Variants in EGF observed in about 807,000 individuals in gnomAD.
EGF encodes epidermal growth factor.
In EGF, 95 loss-of-function variants were observed where a neutral mutation model predicts 143.8. The ratio of observed to expected loss-of-function variants is 0.66; its 90% confidence interval spans 0.56 to 0.78. The LOEUF is 0.78. Among genes scored for constraint, EGF ranks in the 30% least tolerant of loss-of-function variants. The pLI is 0.00. For missense variants in EGF, 1,320 were observed against 1,470.9 expected (o/e 0.90, Z 1.68); for synonymous variants, 510 against 510.5 (o/e 1.00, Z 0.01).
chr4:109,938,900 C>T (rs1298118122), intron 1 of EGF, among the ~76,000 whole-genome samples: 1 of 152,176 alleles, frequency 6.6e-6, no homozygotes, highest in East Asian at 1.9e-4. Context: ...AGCTTTGTCC[C>T]AGAGGGGCAC....
intron 1 of EGF, among the ~76,000 whole-genome samples, chr4:109,933,378 C>T (rs1251623703): frequency 1.3e-5 from 2 of 151,680 alleles, no homozygotes; most frequent in Non-Finnish European, 2.9e-5. Flanking sequence ...TTCAAACTCT[C>T]ATAATCTTAC....
chr4:109,959,697 G>A (rs961686560), intron 6 of EGF, among the ~76,000 whole-genome samples: 3 of 152,138 alleles, frequency 2.0e-5, no homozygotes, highest in Admixed American at 1.3e-4. Context: ...ATGCTTAGGG[G>A]TTGATATAAG....
chr4:109,919,103 C>G (rs762342465), intron 1 of EGF, among the ~76,000 whole-genome samples: 12 of 152,126 alleles, frequency 7.9e-5, no homozygotes, highest in Non-Finnish European at 1.2e-4. Context: ...ACTTCAAAAA[C>G]TATTAAATAG....
intron 5 of EGF, among the ~76,000 whole-genome samples, chr4:109,948,858 G>T (rs1031563752): frequency 1.2e-4 from 19 of 152,190 alleles, no homozygotes; most frequent in Admixed American, 3.9e-4. Flanking sequence ...CTAAATTGCA[G>T]CTCCTCTGGT....
intron 1 of EGF, among the ~76,000 whole-genome samples, chr4:109,914,062 A>G (rs1436088646): frequency 2.6e-5 from 4 of 152,208 alleles, no homozygotes; most frequent in Non-Finnish European, 5.9e-5. Flanking sequence ...AAGAACTGCC[A>G]AATATGATAA....
intron 22 of EGF, among the ~76,000 whole-genome samples, chr4:110,007,319 A>G (rs1039536657): frequency 1.3e-5 from 2 of 152,250 alleles, no homozygotes; most frequent in South Asian, 4.1e-4. Context: ...TGGAGCGCCC[A>G]TTTCTGAACC....
chr4:109,964,745 C>T (rs773816186), intron 10 of EGF, among the ~76,000 whole-genome samples: 6 of 152,120 alleles, frequency 3.9e-5, no homozygotes, highest in Admixed American at 1.3e-4. Context: ...GTCCTTGCTA[C>T]GATTAGCCGT....
chr4:109,980,215 T>C, intron 14 of EGF, 76 bp downstream of exon 14: 1 of 1,451,900 alleles, frequency 6.9e-7, no homozygotes, highest in Non-Finnish European at 9.2e-7. Context: ...TGTCATGCAG[T>C]TGGCGGGGGG....
intron 22 of EGF, among the ~76,000 whole-genome samples, chr4:110,006,180 G>T (rs1372672723): frequency 2.3e-5 from 3 of 130,912 alleles, no homozygotes; most frequent in Admixed American, 7.2e-5. Context: ...TCTTTAAAAA[G>T]ATTAAAAAAA....
rs1749276307 is a variant in EGF at position 109,980,981 on chromosome 4, A to G, written c.2371+6A>G. ...TGGTCATCAGCTGTTGGCAGGTAATATAATAAATTATGTGGCAAATTACCT... is the reference window on the plus strand; with the variant it reads ...TGGTCATCAGCTGTTGGCAGGTAATGTAATAAATTATGTGGCAAATTACCT... On this transcript the variant is annotated splice_donor_region_variant and intron_variant, in intron 15 of 23. Transcript: ENST00000265171. 1 of 1,613,960 alleles carries G rather than the reference A, an allele frequency of 6.2e-7. No individual in the cohort carries two copies. Among genetic ancestry groups the G allele is most frequent in the Non-Finnish European group, 8.5e-7 (1 of 1,179,958 alleles).
At chr4:109,928,859 C>A (rs1443425785) in intron 1 of EGF, among the ~76,000 whole-genome samples, 2 of 152,098 alleles carry the variant, frequency 1.3e-5, no homozygotes, top group East Asian at 3.8e-4. Flanking sequence ...GCATGTCCCA[C>A]CCTCACTTCC....
chr4:109,936,860 T>C (rs1010617929), intron 1 of EGF, among the ~76,000 whole-genome samples: 1 of 152,224 alleles, frequency 6.6e-6, no homozygotes, highest in South Asian at 2.1e-4. Context: ...TTGAGTGAGT[T>C]TCTTAATCCT....
chr4:109,980,091 A>G lies in EGF; in HGVS notation c.2173A>G (p.Met725Val). 2 of 1,613,784 alleles carry G rather than the reference A, an allele frequency of 1.2e-6. No individual in the cohort carries two copies. Among genetic ancestry groups the G allele is most frequent in the Admixed American group, 1.7e-5 (1 of 59,984 alleles). The change falls in exon 14 of 24, where the codon ATG becomes GTG. Residue 725 changes from methionine (M) to valine (V), a missense_variant. Coordinates refer to ENST00000265171, the MANE Select transcript of EGF (RefSeq NM_001963.6). Reference sequence around the variant, plus strand: ...AGATAGAGTACGTCTCCAAGGCAGCATGCTGAAGCCCTCATCACTGGTTGT... The same window carrying G: ...AGATAGAGTACGTCTCCAAGGCAGCGTGCTGAAGCCCTCATCACTGGTTGT... ...GKDRVRLQGS[M>V]LKPSSLVVVH...
intron 17 of EGF, among the ~76,000 whole-genome samples, 153 bp downstream of exon 17, chr4:109,988,013 A>G (rs11569047): frequency 1.3e-5 from 2 of 152,178 alleles, no homozygotes; most frequent in African/African-American, 4.8e-5. Flanking sequence ...ATTGAATGAC[A>G]TGCATAGAAA....
At chr4:109,994,623 C>A in intron 19 of EGF, 110 bp from the exon 20 acceptor site, 1 of 1,269,082 alleles carries the variant, frequency 7.9e-7, no homozygotes, top group Non-Finnish European at 1.1e-6. Context: ...GTTCTTCTGT[C>A]ACTAAAAGAT....
At chr4:110,000,250 CAAAAAAA>C (rs754279332) in intron 21 of EGF, among the ~76,000 whole-genome samples, 1 of 94,026 alleles carries the variant, frequency 1.1e-5, no homozygotes, top group African/African-American at 3.6e-5. Flanking sequence ...GACTCCGTGT[CAAAAAAA>C]AAAAAAAAAA....
chr4:109,947,773 C>A (rs1166864766), intron 5 of EGF, among the ~76,000 whole-genome samples: 1 of 152,206 alleles, frequency 6.6e-6, no homozygotes, highest in Admixed American at 6.5e-5. Context: ...TCATAACCCT[C>A]TCTTACATTT....
chr4:109,989,341 C>T (rs574442839), intron 18 of EGF, among the ~76,000 whole-genome samples: 3 of 152,160 alleles, frequency 2.0e-5, no homozygotes, highest in Admixed American at 6.5e-5. Flanking sequence ...TCAGTAGCAT[C>T]GCATCACGTA....
At chr4:109,970,714 A>G (rs1560712623) in intron 11 of EGF, among the ~76,000 whole-genome samples, 1 of 150,720 alleles carries the variant, frequency 6.6e-6, no homozygotes, top group Non-Finnish European at 1.5e-5. Context: ...AGTCCCAGCT[A>G]CTCAGGAGGC....
Sources: allele counts gnomAD v4.1 joint callset (sites outside exome capture counted in the v4.1 genomes callset), GRCh38; gene constraint gnomAD v4.1.1; transcripts MANE v1.5; gene names NCBI Gene and HGNC (gene_info 2026-07-23, HGNC 2026-07-21).